Variants in NAF1 observed in about 807,000 individuals in gnomAD.
The protein encoded by NAF1 is nuclear assembly factor 1 ribonucleoprotein, also known as H/ACA ribonucleoprotein complex non-core subunit NAF1.
In NAF1, 11 loss-of-function variants were observed where a neutral mutation model predicts 40.6. The ratio of observed to expected loss-of-function variants is 0.27; its 90% CI spans 0.17 to 0.45. NAF1 has a LOEUF of 0.45. Ranked by LOEUF, NAF1 falls within the 20% of genes least tolerant of loss-of-function variation. The pLI is 1.00. For synonymous variants in NAF1, 260 were observed against 228.5 expected, an observed-to-expected ratio of 1.14 and a Z score of -1.24; for missense variants, 607 against 611.1, an observed-to-expected ratio of 0.99 and a Z score of 0.07.
intron 2 of NAF1, among the ~76,000 whole-genome samples, chr4:163,151,340 C>A (rs1285423645): frequency 6.6e-6 from 1 of 151,194 alleles, no homozygotes; most frequent in Non-Finnish European, 1.5e-5. Flanking sequence ...ACTGAAAATT[C>A]ACTATTGTTT....
intron 3 of NAF1, among the ~76,000 whole-genome samples, chr4:163,147,723 C>G (rs190281188): frequency 1.3e-5 from 2 of 152,020 alleles, no homozygotes; most frequent in Admixed American, 6.6e-5. Context: ...TTAAGGACCA[C>G]GAGATAGGGG....
intron 2 of NAF1, among the ~76,000 whole-genome samples, chr4:163,153,481 G>C (rs891425073): frequency 4.0e-5 from 6 of 150,094 alleles, no homozygotes; most frequent in Non-Finnish European, 7.4e-5. Context: ...CTCAGGGATT[G>C]TAAATACACC....
At chr4:163,108,529 GAAAT>G (rs1560772560), downstream of NAF1, among the ~76,000 whole-genome samples, 1 of 152,150 alleles carries the variant, frequency 6.6e-6, no homozygotes, top group African/African-American at 2.4e-5. Flanking sequence ...ACAGATTAAA[GAAAT>G]AATTGCTAAG....
intron 2 of NAF1, 143 bp downstream of exon 2, chr4:163,164,074 G>A: frequency 9.4e-7 from 1 of 1,059,890 alleles, no homozygotes; most frequent in South Asian, 2.8e-5. Flanking sequence ...ACATAAGAAA[G>A]CCAAGGCATA....
intron 2 of NAF1, among the ~76,000 whole-genome samples, chr4:163,151,891 C>A (rs1037190263): frequency 2.6e-5 from 4 of 152,092 alleles, no homozygotes; most frequent in Non-Finnish European, 4.4e-5. Flanking sequence ...AAATTCCTAT[C>A]TAATATATTT....
chr4:163,144,724 A>C (rs991723157), intron 4 of NAF1, among the ~76,000 whole-genome samples: 2 of 152,240 alleles, frequency 1.3e-5, no homozygotes, highest in East Asian at 3.8e-4. Context: ...CCATATAACT[A>C]AAGTTAGAGG....
At chr4:163,108,048 T>G (rs1730077306), downstream of NAF1, among the ~76,000 whole-genome samples, 1 of 152,234 alleles carries the variant, frequency 6.6e-6, no homozygotes, top group South Asian at 2.1e-4. Context: ...CCATTTAGCT[T>G]GCTAGAGTGT....
chr4:163,124,523 ATACT>A (rs1730599654), downstream of NAF1, among the ~76,000 whole-genome samples: 1 of 152,186 alleles, frequency 6.6e-6, no homozygotes, highest in Non-Finnish European at 1.5e-5. Flanking sequence ...ATAAATAGTT[ATACT>A]TTATTGTTTA....
chr4:163,164,749 G>A (rs1732381966), intron 1 of NAF1, among the ~76,000 whole-genome samples: 1 of 152,112 alleles, frequency 6.6e-6, no homozygotes, highest in Non-Finnish European at 1.5e-5. Flanking sequence ...AGGGAATTCT[G>A]GGCATGGCAC....
At chr4:163,108,964 T>C (rs1380295722), downstream of NAF1, 2 of 152,178 alleles carry the variant, frequency 1.3e-5, no homozygotes, top group East Asian at 1.9e-4. Context: ...AGTTTCTTAA[T>C]GAAATTAGGC....
At chr4:163,149,680 T>C (rs1339862516) in intron 2 of NAF1, among the ~76,000 whole-genome samples, 1 of 152,138 alleles carries the variant, frequency 6.6e-6, no homozygotes, top group Non-Finnish European at 1.5e-5. Flanking sequence ...CCACTTGCCC[T>C]TTCATCATAT....
chr4:163,123,541 T>C (rs538721024), downstream of NAF1, among the ~76,000 whole-genome samples: 1,450 of 152,156 alleles, frequency 9.5e-3, 28 homozygotes, highest in African/African-American at 0.032. Flanking sequence ...GTAACCATGC[T>C]CGGCTAATTT....
chr4:163,140,231 T>C lies in NAF1; in HGVS notation c.870A>G (p.Lys290=). 6.3e-7 allele frequency: 1 copy of C among 1,590,436 alleles called. No individual in the cohort carries two copies. Among genetic ancestry groups the C allele is most frequent in the Non-Finnish European group, 8.5e-7 (1 of 1,173,034 alleles). Residue 290 remains lysine (K), a synonymous_variant, in exon 5 of 8, where the codon AAA becomes AAG. Coordinates refer to ENST00000274054, the MANE Select transcript of NAF1 (RefSeq NM_138386.3). ...KDFTQYIFTE[K]LKQDKGSDAS... is the part of the protein sequence containing the mutation. ...GCCGGTAAAGTACTTACTGTTTTAGTTTTTCTGTGAATATATATTGAGTGA... is the reference window on the plus strand; with the variant it reads ...GCCGGTAAAGTACTTACTGTTTTAGCTTTTCTGTGAATATATATTGAGTGA...
At chr4:163,126,850 A>C, downstream of NAF1, 1 of 1,331,216 alleles carries the variant, frequency 7.5e-7, no homozygotes, top group Non-Finnish European at 9.8e-7. Context: ...GGCCAACAGC[A>C]CTTGAGTCCA....
intron 2 of NAF1, among the ~76,000 whole-genome samples, chr4:163,110,619 G>A (rs796424192): frequency 6.6e-5 from 10 of 152,242 alleles, no homozygotes; most frequent in African/African-American, 2.4e-4. Context: ...TACTGATCTG[G>A]AAATCTAAGG....
chr4:163,115,286 G>A lies in NAF1; in HGVS notation c.115-4996C>T, dbSNP rs530680664. ...TGCAGTGGCGCCATCTCGGCTCACT[G>A]CAAGCTCCGCCTCCCAGGTTCACGC... On this transcript the variant is annotated intron_variant, in intron 2 of 2. Transcript: ENST00000509434. Among the ~76,000 whole-genome samples, 188 of 140,120 alleles carry A rather than the reference G, an allele frequency of 1.3e-3. 1 individual carries two copies. The highest frequency in any genetic ancestry group is 4.5e-3 in the Middle Eastern group (1 of 222). The allele number at this position is 140,120 out of a possible 152,430, so 91.9% of individuals were successfully genotyped here. A position where few individuals can be genotyped will look rare whatever the true frequency, so the allele number is the denominator to read the frequency against.
At chr4:163,138,356 T>A (rs1731134855) in intron 5 of NAF1, among the ~76,000 whole-genome samples, 1 of 152,138 alleles carries the variant, frequency 6.6e-6, no homozygotes, top group Non-Finnish European at 1.5e-5. Context: ...TTTCTGCACA[T>A]ATGACATCTC....
At chr4:163,147,452 T>C (rs1354700773) in intron 3 of NAF1, among the ~76,000 whole-genome samples, 1 of 152,180 alleles carries the variant, frequency 6.6e-6, no homozygotes, top group Non-Finnish European at 1.5e-5. Flanking sequence ...GAGTTAATAG[T>C]ACCTATATTA....
At chr4:163,133,119 G>A in intron 7 of NAF1, 35 bp downstream of exon 7, 1 of 1,489,444 alleles carries the variant, frequency 6.7e-7, no homozygotes. Context: ...TGTAAATGAA[G>A]ATAAAGAACG....
Sources: gnomAD v4.1 joint callset for allele counts (sites outside exome capture counted in the v4.1 genomes callset) on GRCh38, gnomAD v4.1.1 for gene constraint, MANE v1.5 for transcripts, NCBI Gene and HGNC (gene_info 2026-07-23, HGNC 2026-07-21) for gene names.